Variants in EPC2 observed in about 807,000 individuals in gnomAD.
EPC2 encodes enhancer of polycomb 2, also known as enhancer of polycomb homolog 2.
EPC2 carries 14 observed loss-of-function variants against 92.1 expected under a neutral mutation model. The ratio of observed to expected loss-of-function variants is 0.15; its 90% CI spans 0.10 to 0.24. EPC2 has a LOEUF of 0.24. Ranked by LOEUF, EPC2 falls within the 10% of genes least tolerant of loss-of-function variation. The probability of loss-of-function intolerance (pLI) is 1.00; values close to 1 mark genes in which losing one functional copy is unlikely to be tolerated. For missense variants in EPC2, 755 were observed against 971.5 expected, an observed-to-expected ratio of 0.78 and a Z score of 2.96; for synonymous variants, 340 against 334.7, an observed-to-expected ratio of 1.02 and a Z score of -0.17.
At chr2:148,660,236 T>C (rs1199544696) in intron 1 of EPC2, among the ~76,000 whole-genome samples, 2 of 152,148 alleles carry the variant, frequency 1.3e-5, no homozygotes, top group Non-Finnish European at 2.9e-5. Flanking sequence ...TTAAAATCTA[T>C]TTCAGATTGA....
chr2:148,772,224 A>G (rs907790799), intron 10 of EPC2, among the ~76,000 whole-genome samples: 5 of 152,212 alleles, frequency 3.3e-5, no homozygotes, highest in African/African-American at 1.2e-4. Context: ...ATAATGTATA[A>G]TATCTAGAGA....
chr2:148,749,689 C>T (rs978302773), intron 3 of EPC2, among the ~76,000 whole-genome samples: 1 of 151,874 alleles, frequency 6.6e-6, no homozygotes, highest in Non-Finnish European at 1.5e-5. Flanking sequence ...ATGTTCTTTA[C>T]TATGATGTTA....
chr2:148,762,687 A>G lies in EPC2; in HGVS notation c.833A>G (p.Tyr278Cys). The change falls in exon 6 of 14, where the codon TAT (tyrosine) becomes TGT (cysteine). Residue 278 changes from tyrosine (Y) to cysteine (C), a missense_variant. Coordinates refer to ENST00000258484, the MANE Select transcript of EPC2 (RefSeq NM_015630.4). ...VVEKRYHLGD[Y>C]GGEILNEVKI... ...TTTTCAAGATACCATTTGGGAGACT[A>G]TGGTGGTGAAATCCTTAATGAAGTA... is the stretch of plus-strand genomic sequence containing the variant. The G allele has an allele frequency of 6.2e-7, 1 of 1,604,356 alleles. No individual in the cohort carries two copies. Among genetic ancestry groups the G allele is most frequent in the Non-Finnish European group, 8.5e-7 (1 of 1,174,980 alleles).
At chr2:148,697,365 T>A (rs765466689) in intron 2 of EPC2, among the ~76,000 whole-genome samples, 18 of 152,082 alleles carry the variant, frequency 1.2e-4, no homozygotes, top group Non-Finnish European at 1.2e-4. Context: ...TGCTTGCTGA[T>A]AGAAAAGGCA....
At position 148,770,831 on chromosome 2, in the gene EPC2, G is replaced by C; in HGVS notation, c.1270G>C (p.Glu424Gln). ...DQANHSCENS[E>Q]LADLDKLRYR... ...AGCTAACCATTCATGTGAAAATTCA[G>C]AATTGGCAGATTTGGATAAGTTGAG... The change falls in exon 9 of 14, where the codon GAA becomes CAA. Residue 424 changes from glutamate to glutamine, a missense_variant. Around this residue, in one of 4 missense-constraint regions of EPC2, gnomAD observed 509 missense variants for 607.7 expected, o/e 0.84. Transcript: ENST00000258484. 3 of 1,613,574 alleles carry C rather than the reference G, an allele frequency of 1.9e-6. No homozygotes were observed. Among genetic ancestry groups the C allele is most frequent in the Non-Finnish European group, 2.5e-6 (3 of 1,179,804 alleles).
In EPC2 at chr2:148,770,954, C is replaced by T. The variant is rs765870754; in HGVS notation, c.1376+17C>T. 31 of 1,604,274 alleles carry T rather than the reference C, an allele frequency of 1.9e-5. 2 individuals are homozygous for T. In the South Asian group the frequency reaches 3.3e-4, roughly 17 times the overall value. On this transcript the variant is annotated intron_variant, in intron 9 of 13. Transcript: ENST00000258484. The stretch of plus-strand genomic sequence containing the variant: ...AGGTGGAAGGTGAAGTATTTGTTTT[C>T]ACCTGGTTTTTGTTTGCTATCTGGA...
chr2:148,702,679 C>T (rs948762291), intron 2 of EPC2, among the ~76,000 whole-genome samples: 1 of 152,174 alleles, frequency 6.6e-6, no homozygotes, highest in African/African-American at 2.4e-5. Flanking sequence ...GAGGCAAGGA[C>T]ATTAAATGAC....
At chr2:148,711,313 A>C (rs1386471942) in intron 2 of EPC2, among the ~76,000 whole-genome samples, 1 of 151,838 alleles carries the variant, frequency 6.6e-6, no homozygotes, top group Non-Finnish European at 1.5e-5. Flanking sequence ...ATTTCTTTTG[A>C]GATTTCTTCT....
chr2:148,730,065 CT>C (rs1682586278), intron 2 of EPC2, among the ~76,000 whole-genome samples: 1 of 152,120 alleles, frequency 6.6e-6, no homozygotes, highest in Non-Finnish European at 1.5e-5. Flanking sequence ...ATTGCATTAC[CT>C]TGTGGAATAT....
At chr2:148,725,523 AT>A (rs1476937237) in intron 2 of EPC2, among the ~76,000 whole-genome samples, 1 of 152,122 alleles carries the variant, frequency 6.6e-6, no homozygotes, top group African/African-American at 2.4e-5. Context: ...CAGCATTGTT[AT>A]CAAAATCAGT....
intron 13 of EPC2, 132 bp downstream of exon 13, chr2:148,785,133 T>C (rs1683839887): frequency 1.4e-6 from 1 of 740,258 alleles, no homozygotes; most frequent in African/African-American, 1.8e-5. Flanking sequence ...ATACTGAAGA[T>C]CTGTATAAAG....
At chr2:148,675,749 G>C (rs1681250754) in intron 1 of EPC2, among the ~76,000 whole-genome samples, 1 of 152,058 alleles carries the variant, frequency 6.6e-6, no homozygotes, top group Non-Finnish European at 1.5e-5. Context: ...CTATCTCATT[G>C]TTTTTGTCAT....
intron 5 of EPC2, 183 bp downstream of exon 5, chr2:148,762,113 A>C: frequency 2.1e-6 from 1 of 466,548 alleles, no homozygotes; most frequent in Admixed American, 4.7e-5. Context: ...ATCAATTTGG[A>C]TTGCAGATTT....
intron 2 of EPC2, among the ~76,000 whole-genome samples, chr2:148,711,479 A>C (rs1275137480): frequency 2.0e-5 from 3 of 152,014 alleles, no homozygotes; most frequent in African/African-American, 7.2e-5. Context: ...CATAAAATTT[A>C]TTATTTTTTT....
chr2:148,700,906 A>G (rs10179786), intron 2 of EPC2, among the ~76,000 whole-genome samples: 145,632 of 152,228 alleles, frequency 0.96, 69,980 homozygotes, highest in East Asian at 1. Flanking sequence ...CTTCCTGTCC[A>G]TGAACATGGA....
chr2:148,697,606 C>G (rs1272096834), intron 2 of EPC2, among the ~76,000 whole-genome samples: 1 of 152,106 alleles, frequency 6.6e-6, no homozygotes, highest in Non-Finnish European at 1.5e-5. Context: ...GCCTAAGATT[C>G]AACTTTTAAA....
At chr2:148,776,003 G>T (rs1484643574) in intron 10 of EPC2, among the ~76,000 whole-genome samples, 1 of 151,616 alleles carries the variant, frequency 6.6e-6, no homozygotes, top group East Asian at 1.9e-4. Context: ...GGATGGTCTC[G>T]ATCTCCTGAC....
chr2:148,665,153 A>G (rs1681032707), intron 1 of EPC2, among the ~76,000 whole-genome samples: 1 of 152,146 alleles, frequency 6.6e-6, no homozygotes, highest in South Asian at 2.1e-4. Flanking sequence ...CTGTGAAATC[A>G]TTCTGTCTTT....
intron 10 of EPC2, among the ~76,000 whole-genome samples, chr2:148,780,631 A>C (rs929030319): frequency 1.3e-5 from 2 of 151,930 alleles, no homozygotes; most frequent in Non-Finnish European, 2.9e-5. Flanking sequence ...TCCTTTTCTT[A>C]TTTTCCCCTA....
Sources: allele counts gnomAD v4.1 joint callset (sites outside exome capture counted in the v4.1 genomes callset), GRCh38; gene constraint gnomAD v4.1.1; regional missense constraint gnomAD v4.1.1; transcripts MANE v1.5; gene names NCBI Gene and HGNC (gene_info 2026-07-23, HGNC 2026-07-21).